The following KLF7 variants were observed in gnomAD, a reference collection of about 807,000 sequenced individuals.
KLF7 encodes Krueppel-like factor 7.
In KLF7, 2 loss-of-function variants were observed where a neutral mutation model predicts 27.3. The observed-to-expected ratio is 0.07, with a 90% confidence interval of 0.03 to 0.23. KLF7 has a LOEUF of 0.23. Ranked by LOEUF, KLF7 falls within the 10% of genes least tolerant of loss-of-function variation. KLF7 has a pLI of 1.00. For missense variants in KLF7, 221 were observed against 394.1 expected (o/e 0.56, Z 3.72); for synonymous variants, 165 against 162.4 (o/e 1.02, Z -0.12).
chr2:207,157,377 GA>G (rs2078417600), intron 1 of KLF7, among the ~76,000 whole-genome samples: 1 of 152,032 alleles, frequency 6.6e-6, no homozygotes. Flanking sequence ...GAAAGTTAAG[GA>G]ATGGGTGGAA....
At chr2:207,149,069 G>C in intron 1 of KLF7, 1 of 1,208,752 alleles carries the variant, frequency 8.3e-7, no homozygotes, top group Non-Finnish European at 1.1e-6. Context: ...CCACCTAAAG[G>C]ATGCAGTTTC....
At chr2:207,117,250 C>A (rs543083698) in intron 2 of KLF7, among the ~76,000 whole-genome samples, 2 of 152,306 alleles carry the variant, frequency 1.3e-5, no homozygotes, top group South Asian at 4.2e-4. Context: ...ATTAATTTAT[C>A]TTCATAAATG....
At chr2:207,092,949 G>C (rs1222429809) in intron 2 of KLF7, among the ~76,000 whole-genome samples, 1 of 152,136 alleles carries the variant, frequency 6.6e-6, no homozygotes, top group Non-Finnish European at 1.5e-5. Flanking sequence ...TCTGGCCACT[G>C]CCCTGTAGGA....
Position 207,122,249 on chromosome 2 carries a change from C to T in KLF7, c.733+1525G>A, listed in dbSNP as rs1162498155. Among the ~76,000 whole-genome samples, 3 of 152,130 alleles carry T rather than the reference C, an allele frequency of 2.0e-5. No individual in the cohort carries two copies. The East Asian group carries it at 5.8e-4, about 29-fold the overall frequency. On this transcript the variant is annotated intron_variant, in intron 2 of 3. Coordinates refer to ENST00000309446, the MANE Select transcript of KLF7 (RefSeq NM_003709.4). ...TTCTGATGGGAAACCATGAGTGGGT[C>T]TCTATGCCTGAGCCACGGGATATAA...
intron 1 of KLF7, chr2:207,149,151 T>G: frequency 7.8e-7 from 1 of 1,288,392 alleles, no homozygotes; most frequent in South Asian, 1.2e-5. Context: ...TCATAGTCAA[T>G]AATAAGAAAC....
At chr2:207,113,190 T>C (rs552366375) in intron 2 of KLF7, among the ~76,000 whole-genome samples, 12 of 152,372 alleles carry the variant, frequency 7.9e-5, no homozygotes, top group African/African-American at 2.2e-4. Context: ...ATTTTTAATA[T>C]CTGCACAAAT....
chr2:207,152,039 G>A (rs2106109130), intron 1 of KLF7, among the ~76,000 whole-genome samples: 1 of 152,284 alleles, frequency 6.6e-6, no homozygotes, highest in Middle Eastern at 3.4e-3. Context: ...GTGCCTTGCT[G>A]GCAGTATTTG....
intron 1 of KLF7, among the ~76,000 whole-genome samples, chr2:207,131,234 A>G (rs2077625714): frequency 6.6e-6 from 1 of 152,222 alleles, no homozygotes; most frequent in African/African-American, 2.4e-5. Flanking sequence ...GTTCCCAGAA[A>G]GAATGTTCAC....
Position 207,080,649 on chromosome 2 carries a change from AC to A in KLF7, c.*563del. On this transcript the variant is annotated 3_prime_UTR_variant, in exon 4 of 4. Transcript: ENST00000309446. ...CACGGAATAGTAGGACTTTTCACAC[AC>A]AAAGGACAAATAAACCAAGAGTTAA... 5.1e-6 allele frequency: 2 copies of A among 395,002 alleles called. No homozygotes were observed. The highest frequency in any genetic ancestry group is 8.9e-6 in the Non-Finnish European group (2 of 224,180). The allele number at this position is 395,002 out of a possible 1,614,324, so 24.5% of individuals were successfully genotyped here.
At chr2:207,135,591 G>A (rs1219876317) in intron 1 of KLF7, among the ~76,000 whole-genome samples, 1 of 152,166 alleles carries the variant, frequency 6.6e-6, no homozygotes, top group African/African-American at 2.4e-5. Context: ...GAATGAATGA[G>A]TAATTGAATC....
At chr2:207,171,549 T>A (rs1350168980), upstream of KLF7, among the ~76,000 whole-genome samples, 1 of 152,220 alleles carries the variant, frequency 6.6e-6, no homozygotes, top group East Asian at 1.9e-4. Flanking sequence ...TTTATTGTTG[T>A]CTTTTTCTAA....
Position 207,124,249 on chromosome 2 carries a change from C to G in KLF7, c.258G>C (p.Ala86=). Residue 86 remains alanine (A), a synonymous_variant, in exon 2 of 4, where the codon GCG becomes GCC. Transcript: ENST00000309446. ...RLDPLLLPVE[A]AICEKSSAVD... ...CTGCCGAGCTCTTCTCACAGATGGC[C>G]GCTTCCACGGGGAGCAGCAGGGGGT... is the stretch of plus-strand genomic sequence containing the variant. The G allele has an allele frequency of 1.2e-6, 2 of 1,614,042 alleles. No individual in the cohort carries two copies. Among genetic ancestry groups the G allele is most frequent in the Non-Finnish European group, 1.7e-6 (2 of 1,180,008 alleles).
chr2:207,091,672 A>G (rs2076517197), intron 2 of KLF7, among the ~76,000 whole-genome samples: 1 of 152,206 alleles, frequency 6.6e-6, no homozygotes. Context: ...ATATATAAAG[A>G]ATTGGGAATA....
intron 2 of KLF7, among the ~76,000 whole-genome samples, chr2:207,107,070 G>A (rs546463373): frequency 6.6e-6 from 1 of 152,192 alleles, no homozygotes; most frequent in South Asian, 2.1e-4. Context: ...TTATCATTCA[G>A]GCTTTCTCTT....
intron 1 of KLF7, among the ~76,000 whole-genome samples, chr2:207,134,816 CCT>C (rs2077739813): frequency 6.6e-6 from 1 of 152,168 alleles, no homozygotes; most frequent in African/African-American, 2.4e-5. Context: ...GAAGTTAACC[CCT>C]CTGTGCCTCA....
chr2:207,080,847 C>T lies in KLF7; in HGVS notation c.*366G>A, dbSNP rs1402812738. The stretch of plus-strand genomic sequence containing the variant: ...GACTGCCGTCCACCTGCACAGACGT[C>T]ACATCCATTTTCTTTGATTTCCATT... On this transcript the variant is annotated 3_prime_UTR_variant, in exon 4 of 4. Transcript: ENST00000309446. 2.4e-6 allele frequency: 1 copy of T among 414,564 alleles called. No individual in the cohort carries two copies. The highest frequency in any genetic ancestry group is 4.1e-5 in the Admixed American group (1 of 24,634). The allele number at this position is 414,564 out of a possible 1,614,324, so 25.7% of individuals were successfully genotyped here. A position where few individuals can be genotyped will look rare whatever the true frequency, so the allele number is the denominator to read the frequency against.
chr2:207,126,872 C>T (rs1054972795), intron 1 of KLF7, among the ~76,000 whole-genome samples: 1 of 151,932 alleles, frequency 6.6e-6, no homozygotes, highest in Non-Finnish European at 1.5e-5. Flanking sequence ...TAGTTCTCTG[C>T]CTCCTCTACA....
At chr2:207,173,081 C>T in the KLF7 span, among the ~76,000 whole-genome samples, 8 of 151,940 alleles carry the variant, frequency 5.3e-5, no homozygotes, top group Non-Finnish European at 1.0e-4. Flanking sequence ...GTCAGAGAGG[C>T]GGAGGTTGGT....
At chr2:207,133,406 G>GA (rs1347675006) in intron 1 of KLF7, among the ~76,000 whole-genome samples, 17 of 152,300 alleles carry the variant, frequency 1.1e-4, no homozygotes, top group Admixed American at 2.6e-4. Flanking sequence ...ACTCCAATGG[G>GA]AAAAACCCAT....
Sources: gnomAD v4.1 joint callset for allele counts (sites outside exome capture counted in the v4.1 genomes callset) on GRCh38, gnomAD v4.1.1 for gene constraint, MANE v1.5 for transcripts, NCBI Gene and HGNC (gene_info 2026-07-23, HGNC 2026-07-21) for gene names.